The following SGCD variants were observed in gnomAD, a reference collection of about 807,000 sequenced individuals.
The protein encoded by SGCD is delta-sarcoglycan.
SGCD carries 18 observed loss-of-function variants against 36.6 expected under a neutral mutation model. The ratio of observed to expected loss-of-function variants is 0.49; its 90% confidence interval spans 0.34 to 0.73. The LOEUF is 0.73. Ranked by LOEUF, SGCD falls within the 30% of genes least tolerant of loss-of-function variation. The pLI is 0.01. For synonymous variants in SGCD, 133 were observed against 130.6 expected, an observed-to-expected ratio of 1.02 and a Z score of -0.12; for missense variants, 387 against 346.7, an observed-to-expected ratio of 1.12 and a Z score of -0.92.
At position 156,589,299 on chromosome 5, in the gene SGCD, G is replaced by T. The variant is rs1327634775; in HGVS notation, c.363G>T (p.Val121=). The change falls in exon 5 of 9, where the codon GTG becomes GTT. Residue 121 remains valine, a synonymous_variant. Coordinates refer to ENST00000337851, the MANE Select transcript of SGCD (RefSeq NM_000337.6). ...ACATTCTCAATGACCAGACTAAAGT[G>T]CTAACTCAGCTTATAACAGGTAAGA... The part of the protein sequence containing the change: ...TVNILNDQTK[V]LTQLITGPKA... 6.4e-7 allele frequency: 1 copy of T among 1,568,988 alleles called. No homozygotes were observed. Among genetic ancestry groups the T allele is most frequent in the Admixed American group, 1.9e-5 (1 of 53,206 alleles).
chr5:155,986,937 CT>C (rs1216442758), intron 1 of SGCD, among the ~76,000 whole-genome samples: 1 of 152,148 alleles, frequency 6.6e-6, no homozygotes, highest in Non-Finnish European at 1.5e-5. Flanking sequence ...TGTTTCCTGA[CT>C]GCAAAGCTCT....
At chr5:156,698,798 C>T (rs1561863659) in intron 7 of SGCD, among the ~76,000 whole-genome samples, 1 of 150,716 alleles carries the variant, frequency 6.6e-6, no homozygotes, top group East Asian at 1.9e-4. Flanking sequence ...CAAGAGAAGT[C>T]AGTAATATCC....
the SGCD span, among the ~76,000 whole-genome samples, chr5:155,841,346 T>C: frequency 2.6e-5 from 4 of 152,218 alleles, no homozygotes; most frequent in Admixed American, 2.6e-4. Context: ...GGAATGTGTA[T>C]ATGCATATAT....
At chr5:155,877,598 C>G (rs1755793858) in intron 1 of SGCD, among the ~76,000 whole-genome samples, 2 of 152,194 alleles carry the variant, frequency 1.3e-5, no homozygotes, top group African/African-American at 4.8e-5. Context: ...AAACATTTTT[C>G]TACAAACAGT....
At chr5:156,439,409 T>G (rs1228619214) in intron 3 of SGCD, among the ~76,000 whole-genome samples, 1 of 152,154 alleles carries the variant, frequency 6.6e-6, no homozygotes, top group Non-Finnish European at 1.5e-5. Context: ...ACTTAGTACT[T>G]AAGAGAAATG....
intron 5 of SGCD, among the ~76,000 whole-genome samples, chr5:156,592,673 C>G (rs955347358): frequency 2.6e-5 from 4 of 152,132 alleles, no homozygotes; most frequent in Admixed American, 6.5e-5. Context: ...TGTCTCTAAC[C>G]TTGCGAGAGC....
chr5:156,364,047 C>A (rs1383653195), intron 3 of SGCD, among the ~76,000 whole-genome samples: 1 of 152,136 alleles, frequency 6.6e-6, no homozygotes, highest in African/African-American at 2.4e-5. Context: ...GGCCTCTGGG[C>A]TGTGCAGGGA....
At chr5:156,250,080 A>G (rs1765537942) in intron 3 of SGCD, among the ~76,000 whole-genome samples, 4 of 152,236 alleles carry the variant, frequency 2.6e-5, no homozygotes, top group Middle Eastern at 3.2e-3. Context: ...TTTTGTAACT[A>G]TAATGAGCGT....
chr5:156,389,102 A>T (rs996278679), intron 3 of SGCD, among the ~76,000 whole-genome samples: 1 of 152,234 alleles, frequency 6.6e-6, no homozygotes, highest in African/African-American at 2.4e-5. Context: ...GAATAGGCAC[A>T]GGTTTTTGAA....
chr5:156,657,274 T>A (rs996128929), intron 7 of SGCD, among the ~76,000 whole-genome samples: 3 of 151,964 alleles, frequency 2.0e-5, no homozygotes, highest in Admixed American at 1.3e-4. Flanking sequence ...ACATTAAGTT[T>A]TAGGGTACAT....
chr5:155,883,910 A>G (rs1031695917), intron 1 of SGCD, among the ~76,000 whole-genome samples: 1 of 152,002 alleles, frequency 6.6e-6, no homozygotes, highest in East Asian at 1.9e-4. Flanking sequence ...AGAGCATTTC[A>G]GCAAAATCCT....
intron 3 of SGCD, among the ~76,000 whole-genome samples, chr5:156,405,095 G>A (rs1772338100): frequency 6.6e-6 from 1 of 152,196 alleles, no homozygotes; most frequent in Non-Finnish European, 1.5e-5. Flanking sequence ...AAATCAGAGA[G>A]TGGACATGTG....
chr5:156,322,797 G>A (rs538923935), upstream of SGCD, among the ~76,000 whole-genome samples: 1 of 152,350 alleles, frequency 6.6e-6, no homozygotes, highest in South Asian at 2.1e-4. Context: ...CTAAAGAAGT[G>A]TGTGACAGAC....
intron 3 of SGCD, among the ~76,000 whole-genome samples, chr5:156,246,857 C>G (rs1421390622): frequency 6.6e-6 from 1 of 152,128 alleles, no homozygotes; most frequent in African/African-American, 2.4e-5. Flanking sequence ...ACAGATATCA[C>G]CAGCTCGCCT....
At chr5:156,692,925 T>G (rs1010891858) in intron 7 of SGCD, among the ~76,000 whole-genome samples, 1 of 152,184 alleles carries the variant, frequency 6.6e-6, no homozygotes, top group African/African-American at 2.4e-5. Context: ...CTTGCAATTA[T>G]TATGCACTAA....
the SGCD span, among the ~76,000 whole-genome samples, chr5:155,771,922 TTC>T: frequency 5.9e-5 from 9 of 152,174 alleles, no homozygotes; most frequent in African/African-American, 1.9e-4. Flanking sequence ...ATTAGCATTA[TTC>T]TCTTTCAATA....
At chr5:156,206,096 T>G (rs1764271869) in intron 3 of SGCD, among the ~76,000 whole-genome samples, 1 of 150,932 alleles carries the variant, frequency 6.6e-6, no homozygotes. Context: ...AGCCATACTT[T>G]GTACTCAAAG....
intron 1 of SGCD, among the ~76,000 whole-genome samples, chr5:155,925,198 A>G (rs1328502393): frequency 6.6e-5 from 10 of 152,232 alleles, no homozygotes; most frequent in East Asian, 1.9e-4. Context: ...AGTACAAACT[A>G]CTTTCAGATT....
chr5:156,343,279 G>C (rs1484646629), intron 2 of SGCD, among the ~76,000 whole-genome samples: 1 of 152,144 alleles, frequency 6.6e-6, no homozygotes, highest in Non-Finnish European at 1.5e-5. Flanking sequence ...TTATTTGTAG[G>C]GAATGCAGTG....
Sources: allele counts gnomAD v4.1 joint callset (sites outside exome capture counted in the v4.1 genomes callset), GRCh38; gene constraint gnomAD v4.1.1; transcripts MANE v1.5; gene names NCBI Gene and HGNC (gene_info 2026-07-23, HGNC 2026-07-21).